The following MSH3 variants were observed in gnomAD, a reference collection of about 807,000 sequenced individuals.
The protein encoded by MSH3 is DNA mismatch repair protein Msh3.
A neutral mutation model predicts 123.3 loss-of-function variants in MSH3; 106 were observed. The observed-to-expected ratio is 0.86, with a 90% CI of 0.73 to 1.01. MSH3 has a LOEUF of 1.01. MSH3 is among the 50% of genes least tolerant of loss of function. The pLI is 0.00. For missense variants in MSH3, 1,459 were observed against 1,347.6 expected (o/e 1.08, Z -1.29); for synonymous variants, 515 against 481.4 (o/e 1.07, Z -0.91).
chr5:80,684,519 GA>G (rs1377238983), intron 8 of MSH3, among the ~76,000 whole-genome samples: 14 of 152,062 alleles, frequency 9.2e-5, no homozygotes, highest in African/African-American at 3.4e-4. Flanking sequence ...TTTGTATGTT[GA>G]TTTTGTGTCC....
chr5:80,820,457 C>T (rs1036857059), intron 20 of MSH3, among the ~76,000 whole-genome samples: 2 of 152,096 alleles, frequency 1.3e-5, no homozygotes, highest in South Asian at 2.1e-4. Flanking sequence ...ATTCTTGGAT[C>T]ACAGGCTCCA....
intron 8 of MSH3, among the ~76,000 whole-genome samples, chr5:80,700,463 GAGGAAGTGT>G (rs1750582290): frequency 6.6e-6 from 1 of 152,160 alleles, no homozygotes; most frequent in African/African-American, 2.4e-5. Flanking sequence ...ACCATTTAAA[GAGGAAGTGT>G]TATTAGTATT....
At chr5:80,733,504 C>T (rs1262824427) in intron 10 of MSH3, among the ~76,000 whole-genome samples, 1 of 151,936 alleles carries the variant, frequency 6.6e-6, no homozygotes, top group Non-Finnish European at 1.5e-5. Flanking sequence ...AGCTTTTATT[C>T]TTCAAAGAAC....
chr5:80,871,207 G>A (rs1381282508), intron 22 of MSH3, among the ~76,000 whole-genome samples: 1 of 152,204 alleles, frequency 6.6e-6, no homozygotes, highest in Non-Finnish European at 1.5e-5. Flanking sequence ...TGAGGCTAGA[G>A]TGGTCCTTCA....
chr5:80,682,410 T>C (rs1173965488), intron 8 of MSH3, among the ~76,000 whole-genome samples: 1 of 152,086 alleles, frequency 6.6e-6, no homozygotes, highest in Admixed American at 6.5e-5. Flanking sequence ...GGAAGTTTTT[T>C]TTTTTATATT....
At chr5:80,663,688 G>A (rs555281363) in intron 2 of MSH3, among the ~76,000 whole-genome samples, 2 of 152,260 alleles carry the variant, frequency 1.3e-5, no homozygotes, top group South Asian at 4.1e-4. Flanking sequence ...TGAGAAAAGA[G>A]TCAAATTTAA....
intron 8 of MSH3, among the ~76,000 whole-genome samples, chr5:80,692,392 G>A (rs1238080321): frequency 7.7e-4 from 19 of 24,646 alleles, no homozygotes; most frequent in African/African-American, 4.8e-3. Context: ...AGATAAACAT[G>A]TATATGTTTA....
intron 12 of MSH3, among the ~76,000 whole-genome samples, chr5:80,750,518 G>A (rs567516028): frequency 6.6e-6 from 1 of 150,494 alleles, no homozygotes; most frequent in Non-Finnish European, 1.5e-5. Context: ...TTGGCCATTT[G>A]TATATCTTTT....
intron 20 of MSH3, among the ~76,000 whole-genome samples, chr5:80,821,096 C>G (rs2112066005): frequency 6.6e-6 from 1 of 152,320 alleles, no homozygotes; most frequent in East Asian, 1.9e-4. Context: ...ATAAAACAAT[C>G]TAGTACCTGA....
intron 2 of MSH3, among the ~76,000 whole-genome samples, chr5:80,659,406 G>GCCCCAGCACT (rs890580834): frequency 7.2e-5 from 11 of 151,946 alleles, no homozygotes; most frequent in African/African-American, 2.7e-4. Context: ...CTCCTGTTCT[G>GCCCCAGCACT]CCCCAGCACT....
chr5:80,809,437 C>G (rs536168529), intron 19 of MSH3, among the ~76,000 whole-genome samples: 2 of 152,278 alleles, frequency 1.3e-5, no homozygotes, highest in East Asian at 3.9e-4. Context: ...TATAAATACT[C>G]TTATCTTTCA....
chr5:80,682,799 A>G (rs1750000516), intron 8 of MSH3, among the ~76,000 whole-genome samples: 1 of 152,056 alleles, frequency 6.6e-6, no homozygotes, highest in Non-Finnish European at 1.5e-5. Context: ...ATTCTGTTGC[A>G]CTATCAAATG....
At chr5:80,857,087 T>C (rs1745932707) in intron 21 of MSH3, among the ~76,000 whole-genome samples, 1 of 152,218 alleles carries the variant, frequency 6.6e-6, no homozygotes, top group Non-Finnish European at 1.5e-5. Context: ...ATTCCTAGTT[T>C]ACTGAGAGTT....
At chr5:80,662,580 A>G (rs1342016828) in intron 2 of MSH3, among the ~76,000 whole-genome samples, 6 of 152,106 alleles carry the variant, frequency 3.9e-5, no homozygotes, top group Admixed American at 6.6e-5. Flanking sequence ...TAATCACAGC[A>G]CTTTGGGAGG....
chr5:80,711,439 A>G (rs1195603779), intron 8 of MSH3, among the ~76,000 whole-genome samples: 1 of 152,072 alleles, frequency 6.6e-6, no homozygotes, highest in Non-Finnish European at 1.5e-5. Flanking sequence ...GGGCCTCCAG[A>G]ACCTCCCACA....
chr5:80,772,710 G>A (rs1428066407), intron 15 of MSH3, among the ~76,000 whole-genome samples: 1 of 151,924 alleles, frequency 6.6e-6, no homozygotes, highest in Non-Finnish European at 1.5e-5. Flanking sequence ...TAAACCAAAG[G>A]CCTACCTGTT....
At chr5:80,757,967 A>G (rs866698105) in intron 12 of MSH3, among the ~76,000 whole-genome samples, 2 of 152,276 alleles carry the variant, frequency 1.3e-5, no homozygotes, top group Middle Eastern at 6.8e-3. Flanking sequence ...ACCTAACCGC[A>G]GTGATGAGAA....
chr5:80,656,082 T>A (rs984405369), intron 1 of MSH3, among the ~76,000 whole-genome samples: 2 of 152,242 alleles, frequency 1.3e-5, no homozygotes, highest in African/African-American at 2.4e-5. Flanking sequence ...AGAGGTATTT[T>A]ATTTAGCATA....
chr5:80,667,287 C>T (rs919875936), intron 3 of MSH3, among the ~76,000 whole-genome samples: 10 of 152,118 alleles, frequency 6.6e-5, no homozygotes, highest in African/African-American at 2.4e-4. Flanking sequence ...TATATACCTG[C>T]ATTTAATATA....
Sources: allele counts gnomAD v4.1 joint callset (sites outside exome capture counted in the v4.1 genomes callset), GRCh38; gene constraint gnomAD v4.1.1; transcripts MANE v1.5; gene names NCBI Gene and HGNC (gene_info 2026-07-23, HGNC 2026-07-21).